The following KCNMB4 variants were observed in gnomAD, a reference collection of about 807,000 sequenced individuals.
KCNMB4 encodes the protein potassium calcium-activated channel subfamily M regulatory beta subunit 4, also known as calcium-activated potassium channel subunit beta-4.
In KCNMB4, 3 loss-of-function variants were observed where a neutral mutation model predicts 20.7. That is an observed-to-expected ratio of 0.14 (90% CI 0.07 to 0.37). KCNMB4 has a LOEUF of 0.37. KCNMB4 is among the 10% of genes least tolerant of loss of function. The pLI, the probability that KCNMB4 is intolerant of heterozygous loss-of-function variation, is 1.00. For synonymous variants in KCNMB4, 110 were observed against 113.4 expected (o/e 0.97, Z 0.19); for missense variants, 168 against 265.9 (o/e 0.63, Z 2.56).
chr12:70,374,709 G>C (rs1883655686), intron 1 of KCNMB4, among the ~76,000 whole-genome samples: 1 of 152,106 alleles, frequency 6.6e-6, no homozygotes, highest in Non-Finnish European at 1.5e-5. Context: ...TAGGTTACTA[G>C]ATGGTCTCTT....
At chr12:70,415,543 A>G (rs1868892833) in intron 2 of KCNMB4, among the ~76,000 whole-genome samples, 1 of 152,198 alleles carries the variant, frequency 6.6e-6, no homozygotes, top group South Asian at 2.1e-4. Flanking sequence ...CTATTATAAC[A>G]TTTTTTAAAG....
At chr12:70,379,516 A>G (rs558301867) in intron 1 of KCNMB4, among the ~76,000 whole-genome samples, 9 of 152,164 alleles carry the variant, frequency 5.9e-5, no homozygotes, top group Admixed American at 1.3e-4. Flanking sequence ...CCCCAAGCTC[A>G]AGCCATCCTC....
At chr12:70,375,822 T>A (rs1024314711) in intron 1 of KCNMB4, among the ~76,000 whole-genome samples, 1 of 152,196 alleles carries the variant, frequency 6.6e-6, no homozygotes, top group Non-Finnish European at 1.5e-5. Flanking sequence ...TTTTATAGAT[T>A]CCTGGATTTT....
Position 70,400,211 on chromosome 12 carries a change from C to A in KCNMB4, c.339C>A (p.Cys113Ter). The change falls in exon 2 of 3, where the codon TGC (cysteine) becomes TGA (stop). Residue 113 changes from cysteine (C) to a stop codon, truncating the protein, a stop_gained and splice_region_variant. Transcript: ENST00000258111. LOFTEE classifies it high-confidence loss of function. ...DEHQLLTNPK[C>*]SYIPPCKREN... ...CTTTCTGTATTCTATTTTGTTAGTG[C>A]TCCTATATCCCTCCCTGTAAGAGAG... 1 of 1,587,210 alleles carries A rather than the reference C, an allele frequency of 6.3e-7. No homozygotes were observed. Among genetic ancestry groups the A allele is most frequent in the Non-Finnish European group, 8.6e-7 (1 of 1,168,390 alleles).
At chr12:70,376,735 C>CA (rs1883693879) in intron 1 of KCNMB4, among the ~76,000 whole-genome samples, 1 of 150,498 alleles carries the variant, frequency 6.6e-6, no homozygotes, top group African/African-American at 2.4e-5. Flanking sequence ...CGCCAGATGT[C>CA]ATGGCACGTG....
intron 2 of KCNMB4, among the ~76,000 whole-genome samples, chr12:70,405,416 T>C (rs1313945928): frequency 6.6e-6 from 1 of 152,052 alleles, no homozygotes; most frequent in Non-Finnish European, 1.5e-5. Flanking sequence ...ATCAGAGAAA[T>C]GCAAATCAAA....
At chr12:70,411,385 T>C (rs1299803050) in intron 2 of KCNMB4, among the ~76,000 whole-genome samples, 2 of 152,200 alleles carry the variant, frequency 1.3e-5, no homozygotes, top group African/African-American at 4.8e-5. Context: ...CTACTCTCCT[T>C]AAAAGGCAAA....
rs1414137532 is a variant in KCNMB4 at position 70,431,295 on chromosome 12, C to T, written c.*642C>T. ...ATTCTAAAAGATTGGGAAAACATAT[C>T]CTCCAACACCTGCCTTTGCCTAACC... On this transcript the variant is annotated 3_prime_UTR_variant, in exon 3 of 3. Coordinates refer to ENST00000258111, the MANE Select transcript of KCNMB4 (RefSeq NM_014505.6). 2 of 152,108 alleles carry T rather than the reference C, an allele frequency of 1.3e-5. No individual in the cohort carries two copies. Among genetic ancestry groups the T allele is most frequent in the African/African-American group, 4.8e-5 (2 of 41,416 alleles). 9.4% of individuals were successfully genotyped at this position (152,108 alleles called of 1,614,324 possible).
At chr12:70,398,844 T>C (rs548191559) in intron 1 of KCNMB4, among the ~76,000 whole-genome samples, 75 of 152,322 alleles carry the variant, frequency 4.9e-4, no homozygotes, top group African/African-American at 1.8e-3. Flanking sequence ...GCAAGTATGA[T>C]ACTGTGTGTT....
chr12:70,403,601 C>G (rs977663761), intron 2 of KCNMB4, among the ~76,000 whole-genome samples: 3 of 152,222 alleles, frequency 2.0e-5, no homozygotes, highest in South Asian at 4.1e-4. Context: ...ACTGGGATTA[C>G]AGGCGGGAGC....
At chr12:70,394,471 A>G (rs1390324644) in intron 1 of KCNMB4, among the ~76,000 whole-genome samples, 4 of 152,168 alleles carry the variant, frequency 2.6e-5, no homozygotes, top group African/African-American at 9.7e-5. Context: ...CCATAAGATT[A>G]CTTTCATTTA....
At position 70,370,943 on chromosome 12, in the gene KCNMB4, G is replaced by A. The variant is rs567436667; in HGVS notation, c.336+3873G>A. Among the ~76,000 whole-genome samples the A allele has an allele frequency of 6.6e-5, 10 of 152,182 alleles. No homozygotes were observed. The South Asian group carries it at 1.2e-3, about 19-fold the overall frequency. ...ATGATCTCAGCTCACTGCAACTTCC[G>A]CCTCCTGGGTTCAAGCAATTCCCCT... On this transcript the variant is annotated intron_variant, in intron 1 of 2. Coordinates refer to ENST00000258111, the MANE Select transcript of KCNMB4 (RefSeq NM_014505.6).
rs907872537 is a variant in KCNMB4, at chr12:70,432,324, C to T, written c.*1671C>T. The stretch of plus-strand genomic sequence containing the variant: ...GATTACAGGCCAATGTTTTCTTAAT[C>T]TTAGAATGTGAATAACTGAAAATCA... On this transcript the variant is annotated 3_prime_UTR_variant, in exon 3 of 3. Transcript: ENST00000258111. 1.3e-5 allele frequency: 2 copies of T among 152,216 alleles called. No individual in the cohort carries two copies. The highest frequency in any genetic ancestry group is 2.9e-5 in the Non-Finnish European group (2 of 68,060). The allele number at this position is 152,216 out of a possible 1,614,324, so 9.4% of individuals were successfully genotyped here. A position where few individuals can be genotyped will look rare whatever the true frequency, so the allele number is the denominator to read the frequency against.
intron 1 of KCNMB4, among the ~76,000 whole-genome samples, chr12:70,393,521 T>C (rs1868319791): frequency 6.6e-6 from 1 of 152,180 alleles, no homozygotes; most frequent in Non-Finnish European, 1.5e-5. Flanking sequence ...TTTCTAACTC[T>C]AAAACTAAAT....
At chr12:70,409,936 G>T (rs1868725816) in intron 2 of KCNMB4, among the ~76,000 whole-genome samples, 1 of 152,194 alleles carries the variant, frequency 6.6e-6, no homozygotes, top group Non-Finnish European at 1.5e-5. Flanking sequence ...GCCAGTCGTT[G>T]GTTTTAAGCA....
chr12:70,414,230 T>G lies in KCNMB4; in HGVS notation c.464+13894T>G, dbSNP rs1251526868. 2.0e-5 allele frequency among the ~76,000 whole-genome samples: 3 copies of G among 152,052 alleles called. No homozygotes were observed. In the East Asian group the frequency reaches 5.8e-4, roughly 29 times the overall value. ...CTGGGTGACAGAGCGAGACTCTGTC[T>G]CAAAAAAAAAGATTTTGGAAATAAA... On this transcript the variant is annotated intron_variant, in intron 2 of 2. Coordinates refer to ENST00000258111, the MANE Select transcript of KCNMB4 (RefSeq NM_014505.6).
chr12:70,377,047 A>G (rs1305917842), intron 1 of KCNMB4, among the ~76,000 whole-genome samples: 2 of 152,184 alleles, frequency 1.3e-5, no homozygotes. Context: ...TTGTTCCTGG[A>G]TAGGAAGACC....
At chr12:70,394,730 G>C (rs926302308) in intron 1 of KCNMB4, among the ~76,000 whole-genome samples, 3 of 152,082 alleles carry the variant, frequency 2.0e-5, no homozygotes, top group Non-Finnish European at 2.9e-5. Flanking sequence ...ACAGTGGGAC[G>C]ATCACGGCTC....
intron 1 of KCNMB4, among the ~76,000 whole-genome samples, chr12:70,396,346 C>T (rs903935249): frequency 3.3e-5 from 5 of 152,132 alleles, no homozygotes; most frequent in African/African-American, 7.2e-5. Context: ...GCTCTGTCAC[C>T]GAAGCTGGAG....
Sources: allele counts gnomAD v4.1 joint callset (sites outside exome capture counted in the v4.1 genomes callset), GRCh38; gene constraint gnomAD v4.1.1; transcripts MANE v1.5; gene names NCBI Gene and HGNC (gene_info 2026-07-23, HGNC 2026-07-21).